EXOC4: variants seen among roughly 807,000 people sequenced by gnomAD.
EXOC4 encodes the protein SEC8-like 1.
In EXOC4, 71 loss-of-function variants were observed where a neutral mutation model predicts 107.2. The observed-to-expected ratio is 0.66, with a 90% CI of 0.55 to 0.81. The LOEUF (loss-of-function observed/expected upper bound fraction) is 0.81. Ranked by LOEUF, EXOC4 falls within the 30% of genes least tolerant of loss-of-function variation. The pLI is 0.00. For synonymous variants in EXOC4, 456 were observed against 441.2 expected, an observed-to-expected ratio of 1.03 and a Z score of -0.42; for missense variants, 1,108 against 1,189.6, an observed-to-expected ratio of 0.93 and a Z score of 1.01.
chr7:133,669,004 A>AT lies in EXOC4; in HGVS notation c.1514+38881dup, dbSNP rs58354607. Among the ~76,000 whole-genome samples, 776 of 118,432 alleles carry AT rather than the reference A, an allele frequency of 6.6e-3. 7 individuals are homozygous for AT. Among genetic ancestry groups the AT allele is most frequent in the South Asian group, 0.026 (98 of 3,762 alleles). 77.7% of individuals were successfully genotyped at this position (118,432 alleles called of 152,430 possible). On this transcript the variant is annotated intron_variant, in intron 10 of 17. Coordinates refer to ENST00000253861, the MANE Select transcript of EXOC4 (RefSeq NM_021807.4). The stretch of plus-strand genomic sequence containing the variant: ...TATGCACAATAGAATTGTTCTCCCA[A>AT]TTTTTTTTTTTTTTTTTTGCCTGTC...
chr7:133,322,534 G>T (rs926891574), intron 5 of EXOC4, among the ~76,000 whole-genome samples: 4 of 152,168 alleles, frequency 2.6e-5, no homozygotes, highest in African/African-American at 9.7e-5. Context: ...TTGTAGATGT[G>T]TGGTGTTATT....
intron 9 of EXOC4, among the ~76,000 whole-genome samples, chr7:133,520,157 A>T (rs1799953613): frequency 6.6e-6 from 1 of 152,234 alleles, no homozygotes; most frequent in South Asian, 2.1e-4. Context: ...AAAGCCAAAA[A>T]ATTTAATTGA....
At chr7:133,678,364 C>G (rs1794111369) in intron 10 of EXOC4, among the ~76,000 whole-genome samples, 2 of 152,178 alleles carry the variant, frequency 1.3e-5, no homozygotes, top group Non-Finnish European at 2.9e-5. Flanking sequence ...TATGGAATTA[C>G]CCTCTTCACA....
At chr7:133,971,334 G>GTGTATA (rs1413652002) in intron 14 of EXOC4, among the ~76,000 whole-genome samples, 6 of 41,796 alleles carry the variant, frequency 1.4e-4, no homozygotes, top group African/African-American at 2.9e-4. Flanking sequence ...GGGAAAATGT[G>GTGTATA]TATATATATA....
At chr7:133,628,540 A>C (rs1802511249) in intron 9 of EXOC4, among the ~76,000 whole-genome samples, 1 of 152,224 alleles carries the variant, frequency 6.6e-6, no homozygotes, top group South Asian at 2.1e-4. Context: ...GAGAGGTCAG[A>C]GATTACATTA....
At chr7:133,943,252 C>A (rs1800472952) in intron 14 of EXOC4, among the ~76,000 whole-genome samples, 2 of 152,088 alleles carry the variant, frequency 1.3e-5, no homozygotes, top group Admixed American at 1.3e-4. Flanking sequence ...ACTTGAAATG[C>A]CTACCTAGTT....
Position 133,257,146 on chromosome 7 carries a change from G to A in EXOC4, c.86+3959G>A, listed in dbSNP as rs569485918. On this transcript the variant is annotated intron_variant, in intron 1 of 17. Coordinates refer to ENST00000253861, the MANE Select transcript of EXOC4 (RefSeq NM_021807.4). ...GAGGTGGGGCTTAGGTGAGGGGACA[G>A]ATAGTGGTTGGGATTCAGTTTGTCG... Among the ~76,000 whole-genome samples, 3 of 152,382 alleles carry A rather than the reference G, an allele frequency of 2.0e-5. No individual in the cohort carries two copies. In the South Asian group the frequency reaches 6.2e-4, roughly 32 times the overall value.
At chr7:133,703,197 T>A (rs551218381) in intron 10 of EXOC4, among the ~76,000 whole-genome samples, 3 of 152,328 alleles carry the variant, frequency 2.0e-5, no homozygotes, top group East Asian at 3.9e-4. Context: ...CGCACCACTG[T>A]GTCTTTAGTC....
chr7:133,452,386 C>G (rs186987393), intron 7 of EXOC4, among the ~76,000 whole-genome samples: 1 of 151,788 alleles, frequency 6.6e-6, no homozygotes, highest in African/African-American at 2.4e-5. Flanking sequence ...AAATGTGTAC[C>G]TTAGAATCTG....
intron 13 of EXOC4, among the ~76,000 whole-genome samples, chr7:133,935,165 C>T (rs962720348): frequency 1.3e-5 from 2 of 151,996 alleles, no homozygotes; most frequent in Non-Finnish European, 1.5e-5. Flanking sequence ...TCAGCACTGG[C>T]TTCCATACTC....
chr7:133,561,731 C>T (rs1377900914), intron 9 of EXOC4, among the ~76,000 whole-genome samples: 1 of 152,212 alleles, frequency 6.6e-6, no homozygotes, highest in Admixed American at 6.5e-5. Context: ...CCAGTTTCCT[C>T]CCACATCCCA....
chr7:134,017,473 C>T (rs1794937183), intron 17 of EXOC4, among the ~76,000 whole-genome samples: 1 of 152,116 alleles, frequency 6.6e-6, no homozygotes, highest in Non-Finnish European at 1.5e-5. Flanking sequence ...ACGGCCTGAT[C>T]TGATGGACTT....
At chr7:133,647,723 A>G (rs571091016) in intron 10 of EXOC4, among the ~76,000 whole-genome samples, 56 of 152,252 alleles carry the variant, frequency 3.7e-4, no homozygotes, top group South Asian at 1.2e-3. Context: ...CAGTTTATCT[A>G]CAGTCAAACA....
chr7:133,963,091 G>A (rs1271288088), intron 14 of EXOC4, among the ~76,000 whole-genome samples: 1 of 152,270 alleles, frequency 6.6e-6, no homozygotes, highest in African/African-American at 2.4e-5. Context: ...AAGGAAGGGA[G>A]TACCGCAGCC....
chr7:133,452,043 T>A (rs1311001210), intron 7 of EXOC4, among the ~76,000 whole-genome samples: 1 of 152,240 alleles, frequency 6.6e-6, no homozygotes, highest in African/African-American at 2.4e-5. Context: ...TAGTGTTACC[T>A]TTTATTGCCT....
At chr7:133,831,519 C>T (rs550693380) in intron 11 of EXOC4, among the ~76,000 whole-genome samples, 14 of 150,048 alleles carry the variant, frequency 9.3e-5, no homozygotes, top group Admixed American at 2.0e-4. Context: ...TCAGTAACTT[C>T]TTTGACTGGC....
chr7:133,902,534 A>G (rs953360593), intron 12 of EXOC4, among the ~76,000 whole-genome samples: 5 of 152,182 alleles, frequency 3.3e-5, no homozygotes, highest in Admixed American at 3.3e-4. Context: ...GGAGATAGAC[A>G]ATAAATGAAT....
At chr7:133,266,638 T>C (rs1444222794) in intron 1 of EXOC4, among the ~76,000 whole-genome samples, 1 of 152,214 alleles carries the variant, frequency 6.6e-6, no homozygotes, top group East Asian at 1.9e-4. Context: ...TAAATTAAAA[T>C]GAATTGTTGG....
At chr7:133,485,986 T>C (rs1183572080) in intron 9 of EXOC4, among the ~76,000 whole-genome samples, 1 of 152,230 alleles carries the variant, frequency 6.6e-6, no homozygotes, top group African/African-American at 2.4e-5. Flanking sequence ...TTAATACTTT[T>C]GTTTTTATTC....
Sources: gnomAD v4.1 joint callset for allele counts (sites outside exome capture counted in the v4.1 genomes callset) on GRCh38, gnomAD v4.1.1 for gene constraint, MANE v1.5 for transcripts, NCBI Gene and HGNC (gene_info 2026-07-23, HGNC 2026-07-21) for gene names.